XKR4: variants seen among roughly 807,000 people sequenced by gnomAD.
The protein encoded by XKR4 is XK related 4, also known as XK-related protein 4.
XKR4 carries 12 observed loss-of-function variants against 53.9 expected under a neutral mutation model. The observed-to-expected ratio is 0.22, with a 90% confidence interval of 0.14 to 0.36. The LOEUF (loss-of-function observed/expected upper bound fraction) is 0.36, where lower values mean the gene tolerates loss of function less well. Ranked by LOEUF, XKR4 falls within the 10% of genes least tolerant of loss-of-function variation. The pLI, the probability that XKR4 is intolerant of heterozygous loss-of-function variation, is 1.00. For missense variants in XKR4, 799 were observed against 859.5 expected, an observed-to-expected ratio of 0.93 and a Z score of 0.88; for synonymous variants, 354 against 362.4, an observed-to-expected ratio of 0.98 and a Z score of 0.26.
chr8:55,308,564 T>A (rs10958456), intron 1 of XKR4, among the ~76,000 whole-genome samples: 1 of 151,676 alleles, frequency 6.6e-6, no homozygotes, highest in Non-Finnish European at 1.5e-5. Context: ...GACACGTGGA[T>A]ATTATGGGGA....
At chr8:55,456,358 C>G (rs2939641) in intron 2 of XKR4, among the ~76,000 whole-genome samples, 61,738 of 151,810 alleles carry the variant, frequency 0.41, 13,260 homozygotes, top group East Asian at 0.53. Flanking sequence ...TTGAACCCAG[C>G]GGGCAGAGGT....
intron 1 of XKR4, among the ~76,000 whole-genome samples, chr8:55,324,894 T>G (rs944153065): frequency 1.2e-4 from 18 of 152,346 alleles, no homozygotes; most frequent in African/African-American, 3.1e-4. Context: ...TATCAAACTT[T>G]AAAATAACTT....
intron 1 of XKR4, among the ~76,000 whole-genome samples, chr8:55,275,942 C>T (rs1818757298): frequency 6.6e-6 from 1 of 152,198 alleles, no homozygotes. Context: ...AGAACTTCTG[C>T]TTTTCTTCTC....
intron 2 of XKR4, among the ~76,000 whole-genome samples, chr8:55,443,090 T>C (rs530999887): frequency 8.5e-5 from 13 of 152,304 alleles, no homozygotes; most frequent in Non-Finnish European, 8.8e-5. Flanking sequence ...ACAGACTTTT[T>C]ATAGGTAAGA....
chr8:55,339,304 A>G lies in XKR4; in HGVS notation c.807-18374A>G, dbSNP rs75121126. On this transcript the variant is annotated intron_variant, in intron 1 of 2. Transcript: ENST00000327381. ...TTTACACGTGATCTAACCCCCCTAC[A>G]GTGAAGACTCCTCATGGGTCAAAAA... Among the ~76,000 whole-genome samples, 1,362 of 152,332 alleles carry G rather than the reference A, an allele frequency of 8.9e-3. 26 individuals are homozygous for G. Among genetic ancestry groups the G allele is most frequent in the African/African-American group, 0.03 (1,255 of 41,578 alleles).
In XKR4 at chr8:55,102,755, C is replaced by G. The variant is rs774156963; in HGVS notation, c.267C>G (p.Gly89=). 4.7e-5 allele frequency: 59 copies of G among 1,267,938 alleles called. No individual in the cohort carries two copies. The highest frequency in any genetic ancestry group is 2.9e-4 in the Middle Eastern group (1 of 3,456). The allele number at this position is 1,267,938 out of a possible 1,614,324, so 78.5% of individuals were successfully genotyped here. A position where few individuals can be genotyped will look rare whatever the true frequency, so the allele number is the denominator to read the frequency against. The part of the protein sequence containing the change: ...GSGGVAGPGG[G]GAGSAALCLR... ...GCGGCGTCGCCGGCCCGGGCGGCGG[C>G]GGGGCGGGCTCGGCTGCGCTGTGCC... is the stretch of plus-strand genomic sequence containing the variant. The change falls in exon 1 of 3, where the codon GGC becomes GGG. Residue 89 remains glycine, a synonymous_variant. Coordinates refer to ENST00000327381, the MANE Select transcript of XKR4 (RefSeq NM_052898.2). This position sits in a 1 kb window ranked among gnomAD's most constrained non-coding sequence, Gnocchi z 5.1.
chr8:55,490,392 T>G (rs1259194061), intron 2 of XKR4, among the ~76,000 whole-genome samples: 1 of 152,094 alleles, frequency 6.6e-6, no homozygotes, highest in African/African-American at 2.4e-5. Flanking sequence ...TGGGTGCTCA[T>G]GGACATAATA....
At chr8:55,256,315 A>G (rs1014798463) in intron 1 of XKR4, among the ~76,000 whole-genome samples, 16 of 152,116 alleles carry the variant, frequency 1.1e-4, no homozygotes, top group Non-Finnish European at 7.4e-5. Flanking sequence ...ATTTAAACCA[A>G]AGAATGGCAT....
chr8:55,114,043 A>G (rs1024801086), intron 1 of XKR4, among the ~76,000 whole-genome samples: 8 of 152,130 alleles, frequency 5.3e-5, no homozygotes, highest in African/African-American at 1.9e-4. Flanking sequence ...ATACACACAC[A>G]TTTGTTTTTA....
At chr8:55,270,601 T>TATGCA (rs1175347527) in intron 1 of XKR4, among the ~76,000 whole-genome samples, 2 of 152,222 alleles carry the variant, frequency 1.3e-5, no homozygotes, top group Non-Finnish European at 2.9e-5. Flanking sequence ...TACAGGTACT[T>TATGCA]ATGCAATACT....
chr8:55,239,518 C>T (rs117018628), intron 1 of XKR4, among the ~76,000 whole-genome samples: 597 of 152,322 alleles, frequency 3.9e-3, no homozygotes, highest in South Asian at 9.7e-3. Flanking sequence ...ACTTACTGCA[C>T]TACCTTTTGT....
chr8:55,240,783 G>T (rs183320020), intron 1 of XKR4, among the ~76,000 whole-genome samples: 1 of 152,142 alleles, frequency 6.6e-6, no homozygotes, highest in Non-Finnish European at 1.5e-5. Context: ...CTTTATGGCC[G>T]TGACATTTTC....
At chr8:55,329,616 C>G (rs1803353830) in intron 1 of XKR4, among the ~76,000 whole-genome samples, 1 of 152,130 alleles carries the variant, frequency 6.6e-6, no homozygotes, top group Admixed American at 6.6e-5. Flanking sequence ...TTCTAAATAC[C>G]TAGTTCTTGT....
chr8:55,113,423 T>C (rs541662808), intron 1 of XKR4, among the ~76,000 whole-genome samples: 1 of 152,314 alleles, frequency 6.6e-6, no homozygotes, highest in South Asian at 2.1e-4. Flanking sequence ...AAAATCGTAC[T>C]GACCTCCATT....
intron 1 of XKR4, among the ~76,000 whole-genome samples, chr8:55,116,487 A>AT (rs2129351522): frequency 6.6e-6 from 1 of 152,306 alleles, no homozygotes; most frequent in Non-Finnish European, 1.5e-5. Context: ...ATGCTTCACC[A>AT]TTTGTCTTCC....
intron 1 of XKR4, among the ~76,000 whole-genome samples, chr8:55,285,542 A>G (rs1196377295): frequency 6.6e-6 from 1 of 152,210 alleles, no homozygotes; most frequent in East Asian, 1.9e-4. Flanking sequence ...CACAGAGAAT[A>G]GGTGGAAACA....
chr8:55,265,267 A>G (rs1391148104), intron 1 of XKR4, among the ~76,000 whole-genome samples: 1 of 152,224 alleles, frequency 6.6e-6, no homozygotes, highest in African/African-American at 2.4e-5. Flanking sequence ...GGAAATAAAG[A>G]CTAGGAAATA....
intron 1 of XKR4, among the ~76,000 whole-genome samples, chr8:55,176,460 CGT>C (rs140783138): frequency 1.1e-4 from 16 of 151,350 alleles, no homozygotes; most frequent in Non-Finnish European, 1.8e-4. Flanking sequence ...AGTGTGTGTG[CGT>C]GTGTGTGTGT....
chr8:55,277,979 A>T (rs1323345807), intron 1 of XKR4, among the ~76,000 whole-genome samples: 1 of 152,226 alleles, frequency 6.6e-6, no homozygotes, highest in Admixed American at 6.5e-5. Context: ...GGACTTAATT[A>T]TTAATGCAGG....
Sources: gnomAD v4.1 joint callset for allele counts (sites outside exome capture counted in the v4.1 genomes callset) on GRCh38, gnomAD v4.1.1 for gene constraint, Gnocchi (gnomAD v3.1) non-coding constraint, MANE v1.5 for transcripts, NCBI Gene and HGNC (gene_info 2026-07-23, HGNC 2026-07-21) for gene names.